The following FAM20A variants were observed in gnomAD, a reference collection of about 807,000 sequenced individuals.
FAM20A encodes FAM20A golgi associated secretory pathway pseudokinase.
A neutral mutation model predicts 52.0 loss-of-function variants in FAM20A; 42 were observed. That is an observed-to-expected ratio of 0.81 (90% confidence interval 0.63 to 1.04). FAM20A has a LOEUF of 1.04. Among genes scored for constraint, FAM20A ranks in the 50% least tolerant of loss-of-function variants. The probability of loss-of-function intolerance (pLI) is 0.00; values close to 1 mark genes in which losing one functional copy is unlikely to be tolerated. For synonymous variants in FAM20A, 304 were observed against 298.9 expected (o/e 1.02, Z -0.18); for missense variants, 742 against 712.7 (o/e 1.04, Z -0.47).
Position 68,599,530 on chromosome 17 carries a change from C to T in FAM20A, c.404+733G>A, listed in dbSNP as rs894688769. Among the ~76,000 whole-genome samples the T allele has an allele frequency of 3.3e-5, 5 of 151,918 alleles. No individual in the cohort carries two copies. The South Asian group carries it at 1.0e-3, about 32-fold the overall frequency. The stretch of plus-strand genomic sequence containing the variant: ...AAAATTCCCTGAAAGATTTTTTTCT[C>T]GTCTGTGGAAGCATCAAGCCGCAGA... On this transcript the variant is annotated intron_variant, in intron 1 of 10. Transcript: ENST00000592554.
chr17:68,600,566 T>C lies in FAM20A; in HGVS notation c.101A>G (p.Gln34Arg). ...YFHLWPQVQR[Q>R]LRPRERPRGC... ...CCGCGGGCGCTCCCGAGGCCGCAGC[T>C]GGCGCTGTACTTGGGGCCAGAGGTG... Residue 34 changes from glutamine (Q) to arginine (R), a missense_variant, in exon 1 of 11, where the codon CAG (glutamine) becomes CGG (arginine). Physicochemically the swap from Gln to Arg is conservative, Grantham distance 43. Coordinates refer to ENST00000592554, the MANE Select transcript of FAM20A (RefSeq NM_017565.4). This position sits in a 1 kb window ranked among gnomAD's most constrained non-coding sequence, Gnocchi z 6.2. 6.4e-7 allele frequency: 1 copy of C among 1,557,818 alleles called. No individual in the cohort carries two copies. The highest frequency in any genetic ancestry group is 8.7e-7 in the Non-Finnish European group (1 of 1,151,858).
At chr17:68,543,877 C>T (rs2086426731) in intron 4 of FAM20A, among the ~76,000 whole-genome samples, 156 bp from the exon 5 acceptor site, 1 of 152,120 alleles carries the variant, frequency 6.6e-6, no homozygotes, top group Non-Finnish European at 1.5e-5. Flanking sequence ...TGGCCTGTGG[C>T]TCCCTTCGCC....
In FAM20A at chr17:68,542,167, T is replaced by C; in HGVS notation, c.929-2A>G. 6.2e-7 allele frequency: 1 copy of C among 1,613,772 alleles called. No individual in the cohort carries two copies. The highest frequency in any genetic ancestry group is 1.3e-5 in the African/African-American group (1 of 74,986). On this transcript the variant is annotated splice_acceptor_variant, in intron 6 of 10. Transcript: ENST00000592554. LOFTEE classifies it high-confidence loss of function. The stretch of plus-strand genomic sequence containing the variant: ...TGGCGAAGAAGCACACGTTGCTCGC[T>C]GGAGGATGGGGAGGAGAGAGGAGGA...
intron 1 of FAM20A, among the ~76,000 whole-genome samples, chr17:68,568,521 C>T (rs1258441376): frequency 2.0e-5 from 3 of 151,316 alleles, no homozygotes; most frequent in African/African-American, 7.3e-5. Flanking sequence ...ATAAAAGAAA[C>T]TTACTGTGTC....
At chr17:68,554,073 C>T (rs1034650452) in intron 3 of FAM20A, among the ~76,000 whole-genome samples, 4 of 148,286 alleles carry the variant, frequency 2.7e-5, no homozygotes, top group African/African-American at 5.1e-5. Context: ...CACACATATA[C>T]ACACATATAT....
At chr17:68,570,853 C>G (rs1164735985) in intron 1 of FAM20A, among the ~76,000 whole-genome samples, 1 of 152,200 alleles carries the variant, frequency 6.6e-6, no homozygotes, top group African/African-American at 2.4e-5. Flanking sequence ...AAATGGCACT[C>G]TTTCTGTTTT....
chr17:68,596,201 C>CCACACACACACACACACACA (rs140687859), intron 1 of FAM20A, among the ~76,000 whole-genome samples: 2 of 149,470 alleles, frequency 1.3e-5, no homozygotes, highest in South Asian at 2.1e-4. Context: ...ATGTGGGAAA[C>CCACACACACACACACACACA]CACACACACA....
chr17:68,578,838 CAAAAAAAAAAAA>C (rs5821664), intron 1 of FAM20A, among the ~76,000 whole-genome samples: 8 of 36,072 alleles, frequency 2.2e-4, no homozygotes, highest in Middle Eastern at 0.024. Context: ...CTAAAAATAC[CAAAAAAAAAAAA>C]AAAAAAAAAA....
intron 10 of FAM20A, among the ~76,000 whole-genome samples, chr17:68,539,074 A>G (rs1275323641): frequency 6.6e-6 from 1 of 152,238 alleles, no homozygotes; most frequent in Non-Finnish European, 1.5e-5. Context: ...TGTGTATATA[A>G]ACATAGAAAA....
At chr17:68,575,547 A>T (rs1380082997) in intron 1 of FAM20A, among the ~76,000 whole-genome samples, 4 of 109,216 alleles carry the variant, frequency 3.7e-5, no homozygotes, top group Non-Finnish European at 5.2e-5. Flanking sequence ...TTTATATATT[A>T]TATAATATAT....
chr17:68,558,353 G>C, intron 1 of FAM20A: 1 of 444,788 alleles, frequency 2.2e-6, no homozygotes, highest in South Asian at 1.6e-5. Flanking sequence ...TTGGATGTTT[G>C]TCCCCTCCAA....
intron 1 of FAM20A, among the ~76,000 whole-genome samples, chr17:68,564,203 T>C (rs1219257701): frequency 6.6e-6 from 1 of 152,132 alleles, no homozygotes; most frequent in Admixed American, 6.5e-5. Context: ...AGACTGAAGA[T>C]AGGGTACAGG....
intron 1 of FAM20A, among the ~76,000 whole-genome samples, chr17:68,594,222 A>AC: frequency 6.6e-6 from 1 of 152,088 alleles, no homozygotes; most frequent in Non-Finnish European, 1.5e-5. Context: ...CCATGGTGAA[A>AC]CGCCGTCTCT....
In FAM20A at chr17:68,600,690, CG is replaced by C; in HGVS notation, c.-25del. 2 of 1,529,446 alleles carry C rather than the reference CG, an allele frequency of 1.3e-6. No homozygotes were observed. The highest frequency in any genetic ancestry group is 2.5e-5 in the East Asian group (1 of 40,574). 94.7% of individuals were successfully genotyped at this position (1,529,446 alleles called of 1,614,324 possible). A position where few individuals can be genotyped will look rare whatever the true frequency, so the allele number is the denominator to read the frequency against. On this transcript the variant is annotated 5_prime_UTR_variant, in exon 1 of 11. Transcript: ENST00000592554. This position sits in a 1 kb window ranked among gnomAD's most constrained non-coding sequence, Gnocchi z 6.2. ...ATGGCGTGCTGGCCAAGGGGGACGCCGGGGGCAGGCCGGCTGTCTCCGGGGT... is the reference window on the plus strand; with the variant it reads ...ATGGCGTGCTGGCCAAGGGGGACGCCGGGGCAGGCCGGCTGTCTCCGGGGT...
At chr17:68,569,859 C>T (rs1017817934) in intron 1 of FAM20A, among the ~76,000 whole-genome samples, 1 of 152,168 alleles carries the variant, frequency 6.6e-6, no homozygotes, top group African/African-American at 2.4e-5. Context: ...CAGCTCAGGC[C>T]TTCATTCCTT....
intron 1 of FAM20A, among the ~76,000 whole-genome samples, chr17:68,596,509 G>A (rs2088456858): frequency 6.6e-6 from 1 of 152,182 alleles, no homozygotes; most frequent in Non-Finnish European, 1.5e-5. Flanking sequence ...GCAGCTTGTG[G>A]GCCAGAGAAG....
chr17:68,546,061 T>A (rs1272407162), intron 4 of FAM20A, among the ~76,000 whole-genome samples: 1 of 149,474 alleles, frequency 6.7e-6, no homozygotes, highest in Non-Finnish European at 1.5e-5. Context: ...CCCAGCTACT[T>A]GGGAGGCTGA....
At position 68,554,676 on chromosome 17, in the gene FAM20A, C is replaced by T. The variant is rs371218359; in HGVS notation, c.640+101G>A. 2.4e-5 allele frequency: 27 copies of T among 1,121,340 alleles called. No individual in the cohort carries two copies. The East Asian group carries it at 6.0e-4, about 25-fold the overall frequency. The allele number at this position is 1,121,340 out of a possible 1,614,324, so 69.5% of individuals were successfully genotyped here. ...CTCAGAGGTTAGGCAGAGAGCCATG[C>T]TCCTTCCACTCTTGCCCAAGGTCGC... On this transcript the variant is annotated intron_variant, in intron 3 of 10. Coordinates refer to ENST00000592554, the MANE Select transcript of FAM20A (RefSeq NM_017565.4).
At chr17:68,561,466 G>A (rs1461276059) in intron 1 of FAM20A, among the ~76,000 whole-genome samples, 1 of 152,076 alleles carries the variant, frequency 6.6e-6, no homozygotes, top group Non-Finnish European at 1.5e-5. Context: ...TTGTATTTGG[G>A]TCTATTTCTG....
Sources: allele counts gnomAD v4.1 joint callset (sites outside exome capture counted in the v4.1 genomes callset), GRCh38; gene constraint gnomAD v4.1.1; non-coding constraint Gnocchi (gnomAD v3.1); transcripts MANE v1.5; gene names NCBI Gene and HGNC (gene_info 2026-07-23, HGNC 2026-07-21).